The following PRKCB variants were observed in gnomAD, a reference collection of about 807,000 sequenced individuals.
The protein encoded by PRKCB is protein kinase C beta.
A neutral mutation model predicts 81.5 loss-of-function variants in PRKCB; 13 were observed. The observed-to-expected ratio is 0.16, with a 90% CI of 0.10 to 0.25. PRKCB has a LOEUF of 0.25. PRKCB is among the 10% of genes least tolerant of loss of function. The pLI, the probability that PRKCB is intolerant of heterozygous loss-of-function variation, is 1.00. For synonymous variants in PRKCB, 335 were observed against 321.4 expected (o/e 1.04, Z -0.45); for missense variants, 509 against 875.7 (o/e 0.58, Z 5.29).
intron 3 of PRKCB, among the ~76,000 whole-genome samples, chr16:24,004,435 A>C (rs1267019038): frequency 6.8e-6 from 1 of 147,206 alleles, no homozygotes; most frequent in African/African-American, 2.5e-5. Flanking sequence ...TGAGCTCAGG[A>C]GTTTGAGACC....
chr16:24,034,485 T>C (rs1376171291), intron 4 of PRKCB, among the ~76,000 whole-genome samples: 3 of 152,210 alleles, frequency 2.0e-5, no homozygotes, highest in Non-Finnish European at 4.4e-5. Context: ...ACCCACCACA[T>C]TGAAATAGAC....
Position 24,217,669 on chromosome 16 carries a change from G to A in PRKCB, c.*2853G>A. On this transcript the variant is annotated 3_prime_UTR_variant, in exon 17 of 17. Coordinates refer to ENST00000643927, the MANE Select transcript of PRKCB (RefSeq NM_002738.7). ...TAGCCATCACCAGCACAACAAACGG[G>A]GCAGGGCTTTCCAAGGTGGGGCTGG... is the stretch of plus-strand genomic sequence containing the variant. 4.1e-6 allele frequency: 4 copies of A among 985,566 alleles called. No individual in the cohort carries two copies. Among genetic ancestry groups the A allele is most frequent in the Non-Finnish European group, 4.8e-6 (4 of 830,090 alleles). The allele number at this position is 985,566 out of a possible 1,614,324, so 61.1% of individuals were successfully genotyped here. A position where few individuals can be genotyped will look rare whatever the true frequency, so the allele number is the denominator to read the frequency against.
intron 2 of PRKCB, among the ~76,000 whole-genome samples, chr16:23,945,296 C>A (rs1398612505): frequency 2.6e-5 from 4 of 152,122 alleles, no homozygotes; most frequent in Non-Finnish European, 4.4e-5. Flanking sequence ...GGAAGGTGAT[C>A]CTATTGTCAG....
Position 24,218,337 on chromosome 16 carries a change from G to A in PRKCB, c.*3521G>A, listed in dbSNP as rs28552982. 2.2e-4 allele frequency: 217 copies of A among 985,260 alleles called. No individual in the cohort carries two copies. In the African/African-American group the frequency reaches 3.5e-3, roughly 16 times the overall value. 61.0% of individuals were successfully genotyped at this position (985,260 alleles called of 1,614,324 possible). On this transcript the variant is annotated 3_prime_UTR_variant, in exon 17 of 17. Transcript: ENST00000643927. ...CGGAAGTAACATGCCGAGCGCCTGG[G>A]GGATGGAAACTCCTATAGCACCCCA...
rs141424539 is a variant in PRKCB, at chr16:24,059,156, T to A, written c.529+23609T>A. Among the ~76,000 whole-genome samples, 681 of 152,290 alleles carry A rather than the reference T, an allele frequency of 4.5e-3. 1 individual carries two copies. Among genetic ancestry groups the A allele is most frequent in the African/African-American group, 0.015 (627 of 41,564 alleles). ...TGGGTGACTGTGTCCAGTAGGCAGA[T>A]GAATCTGTATATCCAGAGATCCGAT... On this transcript the variant is annotated intron_variant, in intron 5 of 16. Transcript: ENST00000643927.
intron 2 of PRKCB, among the ~76,000 whole-genome samples, chr16:23,845,670 A>C (rs191266247): frequency 1.9e-3 from 291 of 152,338 alleles, no homozygotes; most frequent in Non-Finnish European, 3.3e-3. Context: ...CATTCTATGG[A>C]GAAACCGTAA....
intron 16 of PRKCB, chr16:24,191,488 C>A: frequency 2.8e-6 from 1 of 357,202 alleles, no homozygotes. Context: ...TTGTAACTGT[C>A]TTAGCTGACA....
rs1968241113 is a variant in PRKCB at position 24,217,156 on chromosome 16, GGAAGGAAAA to G, written c.*2348_*2356del. On this transcript the variant is annotated 3_prime_UTR_variant, in exon 17 of 17. Coordinates refer to ENST00000643927, the MANE Select transcript of PRKCB (RefSeq NM_002738.7). The stretch of plus-strand genomic sequence containing the variant: ...AAAGAGAAAGGAAGGAAGGAAAGAA[GGAAGGAAAA>G]GAAGGAAGGAAGGAAGGAATATAGT... The G allele has an allele frequency of 1.0e-6, 1 of 972,586 alleles. No homozygotes were observed. The highest frequency in any genetic ancestry group is 1.8e-5 in the African/African-American group (1 of 55,928). 60.2% of individuals were successfully genotyped at this position (972,586 alleles called of 1,614,324 possible).
chr16:23,848,964 A>G (rs774850594), intron 2 of PRKCB, among the ~76,000 whole-genome samples: 37 of 152,124 alleles, frequency 2.4e-4, no homozygotes, highest in Non-Finnish European at 2.2e-4. Flanking sequence ...AATCAAGGAG[A>G]CGACGCAAGA....
At chr16:24,163,288 G>T (rs1348309920) in intron 10 of PRKCB, among the ~76,000 whole-genome samples, 1 of 152,216 alleles carries the variant, frequency 6.6e-6, no homozygotes, top group East Asian at 1.9e-4. Flanking sequence ...CATAGTTATA[G>T]GCTAGTGGTA....
chr16:23,981,695 C>CTTCCCT (rs1964709535), intron 2 of PRKCB, among the ~76,000 whole-genome samples: 3 of 81,050 alleles, frequency 3.7e-5, no homozygotes, highest in Non-Finnish European at 7.6e-5. Context: ...TTCCCTTCCC[C>CTTCCCT]TTCCCTTCCC....
chr16:24,127,737 A>C (rs1245102338), intron 9 of PRKCB, among the ~76,000 whole-genome samples: 1 of 152,230 alleles, frequency 6.6e-6, no homozygotes, highest in African/African-American at 2.4e-5. Flanking sequence ...ACTCTGTTCC[A>C]GACTGGAGAT....
At chr16:23,870,021 G>GAAA (rs11406537) in intron 2 of PRKCB, among the ~76,000 whole-genome samples, 3 of 142,314 alleles carry the variant, frequency 2.1e-5, no homozygotes, top group African/African-American at 2.6e-5. Flanking sequence ...GACTCCATCT[G>GAAA]AAAAAAAAAA....
At chr16:23,944,120 C>T (rs1172165159) in intron 2 of PRKCB, among the ~76,000 whole-genome samples, 2 of 152,156 alleles carry the variant, frequency 1.3e-5, no homozygotes, top group Non-Finnish European at 2.9e-5. Context: ...CCTGAAGTCT[C>T]AGAATAAAGG....
chr16:23,896,912 CCATCCATCCATCCACT>C (rs1963388542), intron 2 of PRKCB, among the ~76,000 whole-genome samples: 2 of 151,604 alleles, frequency 1.3e-5, no homozygotes, highest in Admixed American at 6.6e-5. Context: ...ATCCATCCAT[CCATCCATCCATCCACT>C]CATCCATCCA....
intron 5 of PRKCB, among the ~76,000 whole-genome samples, chr16:24,068,864 C>A (rs1011888715): frequency 2.0e-5 from 3 of 152,050 alleles, no homozygotes; most frequent in African/African-American, 7.2e-5. Flanking sequence ...TGGTAGGGGA[C>A]CCTGAGAACT....
At chr16:24,042,274 C>A (rs1024205793) in intron 5 of PRKCB, among the ~76,000 whole-genome samples, 1 of 152,158 alleles carries the variant, frequency 6.6e-6, no homozygotes, top group African/African-American at 2.4e-5. Context: ...TCAGGAGATG[C>A]CCCAATTTGT....
chr16:23,995,717 G>A (rs1964946963), intron 3 of PRKCB, among the ~76,000 whole-genome samples: 1 of 152,136 alleles, frequency 6.6e-6, no homozygotes, highest in Admixed American at 6.6e-5. Flanking sequence ...GCACAAGTAC[G>A]ATACATGAAG....
At chr16:23,981,502 G>T (rs1964701831) in intron 2 of PRKCB, among the ~76,000 whole-genome samples, 2 of 152,112 alleles carry the variant, frequency 1.3e-5, no homozygotes, top group Admixed American at 1.3e-4. Flanking sequence ...GGTGGTGTCA[G>T]GGGGTCGGGG....
Sources: allele counts gnomAD v4.1 joint callset (sites outside exome capture counted in the v4.1 genomes callset), GRCh38; gene constraint gnomAD v4.1.1; transcripts MANE v1.5; gene names NCBI Gene and HGNC (gene_info 2026-07-23, HGNC 2026-07-21).